ASTN2: variants seen among roughly 807,000 people sequenced by gnomAD.
ASTN2 encodes the protein astrotactin-2.
ASTN2 carries 54 observed loss-of-function variants against 139.8 expected under a neutral mutation model. The ratio of observed to expected loss-of-function variants is 0.39; its 90% CI spans 0.31 to 0.48. ASTN2 has a LOEUF of 0.48. ASTN2 is among the 20% of genes least tolerant of loss of function. The pLI, the probability that ASTN2 is intolerant of heterozygous loss-of-function variation, is 0.95. For synonymous variants in ASTN2, 756 were observed against 719.5 expected (o/e 1.05, Z -0.81); for missense variants, 1,565 against 1,725.1 (o/e 0.91, Z 1.64).
intron 5 of ASTN2, among the ~76,000 whole-genome samples, chr9:117,090,207 A>G (rs1352189530): frequency 6.6e-6 from 1 of 152,224 alleles, no homozygotes; most frequent in Non-Finnish European, 1.5e-5. Context: ...AAAGTTGAGT[A>G]GGTCCAACAG....
In ASTN2 at chr9:116,774,106, C is replaced by T. The variant is rs115154953; in HGVS notation, c.2396+31526G>A. ...TTGGAATTCCTATACATGAAACTGA[C>T]ATTGCATGCAGCAGACTCCTCAGTA... On this transcript the variant is annotated intron_variant, in intron 13 of 22. Transcript: ENST00000313400. 8.2e-3 allele frequency among the ~76,000 whole-genome samples: 1,244 copies of T among 152,264 alleles called. 11 individuals carry two copies. Among genetic ancestry groups the T allele is most frequent in the African/African-American group, 0.028 (1,157 of 41,554 alleles).
intron 13 of ASTN2, among the ~76,000 whole-genome samples, chr9:116,794,578 A>T (rs946153513): frequency 2.0e-5 from 3 of 152,140 alleles, no homozygotes; most frequent in Non-Finnish European, 4.4e-5. Flanking sequence ...CAGCCCTTCA[A>T]TCCTGGCTCC....
At chr9:116,805,574 G>C in intron 13 of ASTN2, 58 bp downstream of exon 13, 1 of 1,543,124 alleles carries the variant, frequency 6.5e-7, no homozygotes, top group Non-Finnish European at 8.9e-7. Context: ...CTTCCTCCCT[G>C]TGCCCAGGTT....
chr9:117,197,067 A>G (rs1207006598), intron 3 of ASTN2: 1 of 152,232 alleles, frequency 6.6e-6, no homozygotes, highest in Non-Finnish European at 1.5e-5. Flanking sequence ...AGGTATACGT[A>G]CAAAGATGTT....
At chr9:116,832,978 T>A (rs1363342457) in intron 11 of ASTN2, among the ~76,000 whole-genome samples, 1 of 150,588 alleles carries the variant, frequency 6.6e-6, no homozygotes, top group Admixed American at 6.6e-5. Context: ...GGAATTGACG[T>A]TTATTCTTCT....
intron 5 of ASTN2, among the ~76,000 whole-genome samples, chr9:117,072,714 C>G (rs141561741): frequency 1.2e-3 from 179 of 152,182 alleles, no homozygotes; most frequent in African/African-American, 4.1e-3. Context: ...GACACAAAGT[C>G]CAACTTTATT....
At chr9:116,577,915 T>A (rs538176128) in intron 19 of ASTN2, among the ~76,000 whole-genome samples, 198 of 151,948 alleles carry the variant, frequency 1.3e-3, no homozygotes, top group Non-Finnish European at 2.4e-3. Flanking sequence ...TGACCAGAGA[T>A]AAGGGTGGGC....
rs777938900 is a variant in ASTN2, at chr9:116,699,310, C to G, written c.2806+26461G>C. 4 of 1,614,190 alleles carry G rather than the reference C, an allele frequency of 2.5e-6. No homozygotes were observed. The Admixed American group carries it at 6.7e-5, about 27-fold the overall frequency. ...CGGCCCAAATTTGTCACCTGTGATG[C>G]TGAGGGCACCGTCTACTTCACCCAG... On this transcript the variant is annotated intron_variant, in intron 16 of 22. Coordinates refer to ENST00000313400, the MANE Select transcript of ASTN2 (RefSeq NM_001365068.1). This position sits in a 1 kb window ranked among gnomAD's most constrained non-coding sequence, Gnocchi z 4.2.
At chr9:117,286,529 G>T (rs1407650968) in intron 2 of ASTN2, among the ~76,000 whole-genome samples, 2 of 152,050 alleles carry the variant, frequency 1.3e-5, no homozygotes, top group African/African-American at 4.8e-5. Flanking sequence ...AACACTAAAA[G>T]AACCTCTTTC....
chr9:117,375,991 T>C (rs1830112906), intron 1 of ASTN2, among the ~76,000 whole-genome samples: 1 of 152,190 alleles, frequency 6.6e-6, no homozygotes, highest in African/African-American at 2.4e-5. Context: ...TGCCACTGCC[T>C]GATTCTTATA....
chr9:117,199,701 G>C (rs1020130626), intron 3 of ASTN2, among the ~76,000 whole-genome samples: 1 of 151,866 alleles, frequency 6.6e-6, no homozygotes, highest in Non-Finnish European at 1.5e-5. Flanking sequence ...TAGCATTGAA[G>C]CTATAAATTA....
chr9:116,649,374 A>G (rs1187265992), intron 17 of ASTN2, among the ~76,000 whole-genome samples: 1 of 151,894 alleles, frequency 6.6e-6, no homozygotes, highest in African/African-American at 2.4e-5. Context: ...GGAGTTCAAG[A>G]CCAGCCTGAC....
At position 116,494,383 on chromosome 9, in the gene ASTN2, GC is replaced by G. The variant is rs1303867637; in HGVS notation, c.3356-6884del. ...ACATGAATAGCTTACAAATGTTAGT[GC>G]CCCCCTCACCCCTGCTCCCTCAGGT... On this transcript the variant is annotated intron_variant, in intron 19 of 22. Transcript: ENST00000313400. Among the ~76,000 whole-genome samples, 8 of 152,158 alleles carry G rather than the reference GC, an allele frequency of 5.3e-5. No individual in the cohort carries two copies. The East Asian group carries it at 1.5e-3, about 29-fold the overall frequency.
At chr9:117,192,855 A>C (rs1449392153) in intron 3 of ASTN2, among the ~76,000 whole-genome samples, 1 of 152,232 alleles carries the variant, frequency 6.6e-6, no homozygotes, top group Non-Finnish European at 1.5e-5. Flanking sequence ...AGCTGGAACA[A>C]GGTTCTGTGT....
chr9:116,596,137 T>G (rs557972619), intron 19 of ASTN2, among the ~76,000 whole-genome samples: 1 of 152,308 alleles, frequency 6.6e-6, no homozygotes, highest in South Asian at 2.1e-4. Flanking sequence ...ATGACATGAA[T>G]GAACCTAAAG....
chr9:116,602,013 T>C (rs1208847485), intron 19 of ASTN2, among the ~76,000 whole-genome samples: 2 of 152,126 alleles, frequency 1.3e-5, no homozygotes, highest in Non-Finnish European at 2.9e-5. Context: ...AAGTTGGTGT[T>C]AGAGAGTTAG....
At chr9:117,240,179 A>C (rs1375584616) in intron 2 of ASTN2, among the ~76,000 whole-genome samples, 1 of 152,178 alleles carries the variant, frequency 6.6e-6, no homozygotes, top group East Asian at 1.9e-4. Flanking sequence ...CACACTGGTG[A>C]CTAAGATGGG....
At chr9:117,203,527 G>T (rs1162432636) in intron 3 of ASTN2, among the ~76,000 whole-genome samples, 1 of 152,014 alleles carries the variant, frequency 6.6e-6, no homozygotes, top group African/African-American at 2.4e-5. Flanking sequence ...TTTTGTGGGG[G>T]CCTTTGTTGT....
In ASTN2 at chr9:117,057,568, A is replaced by G. The variant is rs117787457; in HGVS notation, c.1277-17603T>C. On this transcript the variant is annotated intron_variant, in intron 5 of 22. Coordinates refer to ENST00000313400, the MANE Select transcript of ASTN2 (RefSeq NM_001365068.1). ...ACCCTACTAAATTTTATAGAAATCT[A>G]TGTATATATGTGAAGATGTGAAGAT... 3.2e-3 allele frequency among the ~76,000 whole-genome samples: 495 copies of G among 152,342 alleles called. 1 individual carries two copies. Among genetic ancestry groups the G allele is most frequent in the Non-Finnish European group, 5.6e-3 (378 of 68,028 alleles).
Sources: allele counts gnomAD v4.1 joint callset (sites outside exome capture counted in the v4.1 genomes callset), GRCh38; gene constraint gnomAD v4.1.1; non-coding constraint Gnocchi (gnomAD v3.1); transcripts MANE v1.5; gene names NCBI Gene and HGNC (gene_info 2026-07-23, HGNC 2026-07-21).